The following NEDD4L variants were observed in gnomAD, a reference collection of about 807,000 sequenced individuals.
The protein encoded by NEDD4L is NEDD4 like E3 ubiquitin protein ligase.
NEDD4L carries 54 observed loss-of-function variants against 148.9 expected under a neutral mutation model. The observed-to-expected ratio is 0.36, with a 90% CI of 0.29 to 0.45. The LOEUF (loss-of-function observed/expected upper bound fraction) is 0.45. NEDD4L is among the 20% of genes least tolerant of loss of function. NEDD4L has a pLI of 1.00. For missense variants in NEDD4L, 856 were observed against 1,233.8 expected, an observed-to-expected ratio of 0.69 and a Z score of 4.59; for synonymous variants, 433 against 440.7, an observed-to-expected ratio of 0.98 and a Z score of 0.22.
At chr18:58,123,789 C>T (rs2030474459) in intron 1 of NEDD4L, among the ~76,000 whole-genome samples, 1 of 152,090 alleles carries the variant, frequency 6.6e-6, no homozygotes, top group Admixed American at 6.5e-5. Context: ...CAGTGAGACC[C>T]CCTGTCTCGC....
chr18:58,231,783 C>T (rs1274119926), intron 2 of NEDD4L, among the ~76,000 whole-genome samples: 1 of 152,096 alleles, frequency 6.6e-6, no homozygotes. Flanking sequence ...AGGCTGGTCT[C>T]GAACTCCTGA....
intron 5 of NEDD4L, among the ~76,000 whole-genome samples, chr18:58,301,274 C>T (rs1015148408): frequency 1.3e-5 from 2 of 152,150 alleles, no homozygotes; most frequent in Admixed American, 6.5e-5. Context: ...TTCTCCTCCT[C>T]GTGTTCTAGT....
At position 58,390,885 on chromosome 18, in the gene NEDD4L, C is replaced by G; in HGVS notation, c.2752+143C>G. 7.4e-6 allele frequency: 5 copies of G among 673,030 alleles called. No homozygotes were observed. The East Asian group carries it at 8.2e-5, about 11-fold the overall frequency. 41.7% of individuals were successfully genotyped at this position (673,030 alleles called of 1,614,324 possible). On this transcript the variant is annotated intron_variant, in intron 29 of 30. Coordinates refer to ENST00000400345, the MANE Select transcript of NEDD4L (RefSeq NM_001144967.3). ...GCCATGCATAGGTTCCATGAAAGTT[C>G]AATGAAAGTACTGTTATCTATACTT...
At chr18:58,102,967 T>C (rs2084848778) in intron 1 of NEDD4L, among the ~76,000 whole-genome samples, 1 of 152,150 alleles carries the variant, frequency 6.6e-6, no homozygotes, top group Non-Finnish European at 1.5e-5. Context: ...TTTGTTTGCA[T>C]GCTCAAAACC....
At chr18:58,383,805 T>C (rs1020355198) in intron 25 of NEDD4L, among the ~76,000 whole-genome samples, 1 of 152,236 alleles carries the variant, frequency 6.6e-6, no homozygotes, top group African/African-American at 2.4e-5. Context: ...TTTGTAATAT[T>C]CTTAACTCAA....
intron 1 of NEDD4L, among the ~76,000 whole-genome samples, chr18:58,146,205 C>T (rs1373151156): frequency 6.6e-6 from 1 of 152,142 alleles, no homozygotes; most frequent in African/African-American, 2.4e-5. Context: ...TGTGCTGATC[C>T]TCAGGAAGGT....
At chr18:58,054,279 T>G in intron 1 of NEDD4L, among the ~76,000 whole-genome samples, 1 of 152,362 alleles carries the variant, frequency 6.6e-6, no homozygotes, top group African/African-American at 2.4e-5. Context: ...CCTGAGAACC[T>G]GAAGAATGGG....
At chr18:58,332,639 CTTT>C (rs1157761392) in intron 11 of NEDD4L, among the ~76,000 whole-genome samples, 2 of 152,116 alleles carry the variant, frequency 1.3e-5, no homozygotes, top group African/African-American at 4.8e-5. Context: ...CAGAGTGACA[CTTT>C]TATTAAAGAC....
intron 1 of NEDD4L, among the ~76,000 whole-genome samples, chr18:58,081,585 G>A (rs2145112901): frequency 6.6e-6 from 1 of 152,146 alleles, no homozygotes; most frequent in South Asian, 2.1e-4. Context: ...AACACTTTAG[G>A]AAATCTGGAT....
At chr18:58,258,344 G>T (rs1188681522) in intron 5 of NEDD4L, among the ~76,000 whole-genome samples, 1 of 152,132 alleles carries the variant, frequency 6.6e-6, no homozygotes, top group Non-Finnish European at 1.5e-5. Context: ...ACCACTTACC[G>T]CATGAAGATT....
intron 2 of NEDD4L, among the ~76,000 whole-genome samples, chr18:58,228,287 G>A (rs1054427244): frequency 6.6e-6 from 1 of 152,192 alleles, no homozygotes; most frequent in Non-Finnish European, 1.5e-5. Context: ...TCTGCCAACA[G>A]GAGTGGAGCT....
intron 5 of NEDD4L, among the ~76,000 whole-genome samples, chr18:58,268,829 G>T (rs1013962416): frequency 1.3e-5 from 2 of 152,050 alleles, no homozygotes. Context: ...TTCTGCAGAG[G>T]TTCTGTGTTT....
chr18:58,174,533 G>A (rs1393560625), intron 2 of NEDD4L, among the ~76,000 whole-genome samples: 1 of 152,172 alleles, frequency 6.6e-6, no homozygotes, highest in Admixed American at 6.5e-5. Flanking sequence ...TAGGAAGGTT[G>A]TTTCGCTTAC....
At chr18:58,045,580 A>G (rs2081540643) in intron 1 of NEDD4L, 1 of 153,410 alleles carries the variant, frequency 6.5e-6, no homozygotes, top group East Asian at 1.9e-4. Context: ...ATCACTGCCT[A>G]GTCCTCTCTC....
chr18:58,222,015 T>C (rs961654276), intron 2 of NEDD4L, among the ~76,000 whole-genome samples: 7 of 152,212 alleles, frequency 4.6e-5, no homozygotes, highest in African/African-American at 1.7e-4. Flanking sequence ...GGTCCCCTGT[T>C]CTTTGCTTCT....
intron 5 of NEDD4L, chr18:58,255,818 C>CA: frequency 8.1e-7 from 1 of 1,232,576 alleles, no homozygotes. Flanking sequence ...CGGAGGCCTG[C>CA]AGGGAGGCGT....
At chr18:58,296,815 G>C (rs1291514677) in intron 5 of NEDD4L, among the ~76,000 whole-genome samples, 1 of 152,202 alleles carries the variant, frequency 6.6e-6, no homozygotes, top group Non-Finnish European at 1.5e-5. Context: ...CCAGCTATTC[G>C]GGAGGCTGAG....
chr18:58,333,761 A>G, intron 11 of NEDD4L, 57 bp from the exon 12 acceptor site: 1 of 1,243,264 alleles, frequency 8.0e-7, no homozygotes, highest in Non-Finnish European at 1.2e-6. Context: ...TAAACCAATG[A>G]AAGTTGCTTT....
intron 13 of NEDD4L, among the ~76,000 whole-genome samples, chr18:58,336,845 A>G (rs1601415143): frequency 1.3e-5 from 2 of 152,242 alleles, no homozygotes; most frequent in African/African-American, 2.4e-5. Context: ...AAGAAATTCT[A>G]CATGAACTAT....
Sources: gnomAD v4.1 joint callset for allele counts (sites outside exome capture counted in the v4.1 genomes callset) on GRCh38, gnomAD v4.1.1 for gene constraint, MANE v1.5 for transcripts, NCBI Gene and HGNC (gene_info 2026-07-23, HGNC 2026-07-21) for gene names.